Variants in CWF19L2 observed in about 807,000 individuals in gnomAD.
CWF19L2 encodes the protein CWF19 like cell cycle control factor 2.
In CWF19L2, 98 loss-of-function variants were observed where a neutral mutation model predicts 111.7. The ratio of observed to expected loss-of-function variants is 0.88; its 90% CI spans 0.75 to 1.04. The LOEUF (loss-of-function observed/expected upper bound fraction) is 1.04. Among genes scored for constraint, CWF19L2 ranks in the 50% least tolerant of loss-of-function variants. The pLI, the probability that CWF19L2 is intolerant of heterozygous loss-of-function variation, is 0.00. For missense variants in CWF19L2, 1,101 were observed against 1,051.4 expected, an observed-to-expected ratio of 1.05 and a Z score of -0.65; for synonymous variants, 351 against 342.9, an observed-to-expected ratio of 1.02 and a Z score of -0.26.
At chr11:107,447,770 T>C (rs1861721098) in intron 3 of CWF19L2, among the ~76,000 whole-genome samples, 1 of 152,104 alleles carries the variant, frequency 6.6e-6, no homozygotes, top group Admixed American at 6.5e-5. Context: ...TAAAAGTTAC[T>C]AGACATTCAA....
chr11:107,344,916 A>T (rs1860056309), intron 14 of CWF19L2, among the ~76,000 whole-genome samples: 1 of 152,078 alleles, frequency 6.6e-6, no homozygotes, highest in Non-Finnish European at 1.5e-5. Flanking sequence ...CAGGTTCCCA[A>T]CTCGGCCTCT....
At chr11:107,342,366 G>A (rs562494733) in intron 14 of CWF19L2, among the ~76,000 whole-genome samples, 3 of 151,466 alleles carry the variant, frequency 2.0e-5, no homozygotes, top group Non-Finnish European at 4.4e-5. Context: ...AATTCAATTA[G>A]ATTATTATTT....
chr11:107,368,888 A>G (rs774720299), intron 12 of CWF19L2, among the ~76,000 whole-genome samples: 2 of 137,912 alleles, frequency 1.5e-5, no homozygotes, highest in Non-Finnish European at 3.1e-5. Context: ...TCAAAATGCC[A>G]GGTGCATTCA....
intron 6 of CWF19L2, 55 bp downstream of exon 6, chr11:107,439,035 G>A (rs1406568399): frequency 3.4e-4 from 99 of 292,166 alleles, no homozygotes; most frequent in Admixed American, 1.5e-3. Flanking sequence ...ACTCTGTCTC[G>A]AAAAAAAAAA....
At chr11:107,361,642 C>A (rs1287612756) in intron 12 of CWF19L2, among the ~76,000 whole-genome samples, 1 of 152,172 alleles carries the variant, frequency 6.6e-6, no homozygotes, top group Non-Finnish European at 1.5e-5. Flanking sequence ...GTGTCATCTA[C>A]GATTTCTTTC....
chr11:107,374,506 T>C (rs1186953207), intron 12 of CWF19L2, among the ~76,000 whole-genome samples: 10 of 133,592 alleles, frequency 7.5e-5, no homozygotes, highest in Non-Finnish European at 1.4e-4. Context: ...CAGAATTTCA[T>C]ATCCAGCCAA....
intron 12 of CWF19L2, among the ~76,000 whole-genome samples, chr11:107,362,163 G>T (rs112384605): frequency 1.3e-5 from 2 of 151,682 alleles, no homozygotes; most frequent in Non-Finnish European, 2.9e-5. Context: ...CACCTGGCTC[G>T]GAGGGTCCTA....
Position 107,429,516 on chromosome 11 carries a change from CAT to C in CWF19L2, c.781-67_781-66del, listed in dbSNP as rs1320648540. ...GAACGGCTCAGTGACTTGCACCCCA[CAT>C]GTCACTGTATGACTCACTGCCAAGT... is the stretch of plus-strand genomic sequence containing the variant. On this transcript the variant is annotated intron_variant, in intron 7 of 17. Coordinates refer to ENST00000282251, the MANE Select transcript of CWF19L2 (RefSeq NM_152434.3). The C allele has an allele frequency of 3.6e-5, 47 of 1,297,212 alleles. No homozygotes were observed. The East Asian group carries it at 4.0e-4, about 11-fold the overall frequency. The allele number at this position is 1,297,212 out of a possible 1,614,324, so 80.4% of individuals were successfully genotyped here.
At chr11:107,348,682 T>A (rs1295248167) in intron 14 of CWF19L2, 1 of 206,460 alleles carries the variant, frequency 4.8e-6, no homozygotes, top group Non-Finnish European at 9.7e-6. Context: ...TTAGACTGAT[T>A]TTTTTAAGTA....
chr11:107,443,254 G>A (rs1861656781), intron 3 of CWF19L2, among the ~76,000 whole-genome samples: 1 of 152,118 alleles, frequency 6.6e-6, no homozygotes, highest in African/African-American at 2.4e-5. Flanking sequence ...GCTGAGGCAG[G>A]CATATTACTT....
At chr11:107,386,664 A>T (rs1278260468) in intron 12 of CWF19L2, among the ~76,000 whole-genome samples, 1 of 152,108 alleles carries the variant, frequency 6.6e-6, no homozygotes, top group Non-Finnish European at 1.5e-5. Context: ...TGCACTTCTT[A>T]GTTTTATTTG....
At chr11:107,409,164 G>A (rs1861121841) in intron 10 of CWF19L2, among the ~76,000 whole-genome samples, 1 of 151,274 alleles carries the variant, frequency 6.6e-6, no homozygotes, top group East Asian at 1.9e-4. Flanking sequence ...AAGTGAACTT[G>A]TGAACACAGT....
chr11:107,440,989 G>C (rs927546373), intron 5 of CWF19L2, among the ~76,000 whole-genome samples: 15 of 152,166 alleles, frequency 9.9e-5, no homozygotes, highest in African/African-American at 3.4e-4. Flanking sequence ...TACCAGGATT[G>C]TGTGATGCCC....
At chr11:107,448,193 C>T (rs1193386994) in intron 3 of CWF19L2, among the ~76,000 whole-genome samples, 1 of 151,504 alleles carries the variant, frequency 6.6e-6, no homozygotes, top group Non-Finnish European at 1.5e-5. Context: ...AAAATACAAA[C>T]AATTAGCTGG....
At chr11:107,403,587 T>C in intron 10 of CWF19L2, 1 of 786,386 alleles carries the variant, frequency 1.3e-6, no homozygotes, top group Non-Finnish European at 2.3e-6. Context: ...CTCTCTGTCG[T>C]TTCTTCAAGG....
At chr11:107,387,148 G>C (rs575089768) in intron 12 of CWF19L2, among the ~76,000 whole-genome samples, 1 of 151,590 alleles carries the variant, frequency 6.6e-6, no homozygotes, top group Non-Finnish European at 1.5e-5. Flanking sequence ...CCATGTGACC[G>C]GGCATTTCAT....
intron 7 of CWF19L2, 69 bp from the exon 8 acceptor site, chr11:107,429,520 T>A (rs761321808): frequency 2.4e-6 from 3 of 1,258,248 alleles, no homozygotes; most frequent in Non-Finnish European, 3.3e-6. Context: ...ACCCCACATG[T>A]CACTGTATGA....
intron 1 of CWF19L2, among the ~76,000 whole-genome samples, 159 bp from the exon 2 acceptor site, chr11:107,455,935 T>A (rs888952688): frequency 3.9e-5 from 6 of 151,978 alleles, no homozygotes; most frequent in African/African-American, 1.2e-4. Context: ...TGTAAAAAAA[T>A]AAAAAAATAA....
chr11:107,370,016 T>C (rs1424615958), intron 12 of CWF19L2, among the ~76,000 whole-genome samples: 1 of 137,644 alleles, frequency 7.3e-6, no homozygotes, highest in Non-Finnish European at 1.6e-5. Context: ...TATATCCACA[T>C]TTCCATTATT....
Sources: allele counts gnomAD v4.1 joint callset (sites outside exome capture counted in the v4.1 genomes callset), GRCh38; gene constraint gnomAD v4.1.1; transcripts MANE v1.5; gene names NCBI Gene and HGNC (gene_info 2026-07-23, HGNC 2026-07-21).